STAU2: variants seen among roughly 807,000 people sequenced by gnomAD.
The protein encoded by STAU2 is staufen double-stranded RNA binding protein 2, also known as double-stranded RNA-binding protein Staufen homolog 2.
STAU2 carries 20 observed loss-of-function variants against 65.9 expected under a neutral mutation model. That is an observed-to-expected ratio of 0.30 (90% CI 0.21 to 0.44). The LOEUF is 0.44. Among genes scored for constraint, STAU2 ranks in the 20% least tolerant of loss-of-function variants. STAU2 has a pLI of 1.00. For missense variants in STAU2, 558 were observed against 683.9 expected (o/e 0.82, Z 2.05); for synonymous variants, 232 against 233.9 (o/e 0.99, Z 0.07).
At chr8:73,703,721 T>C (rs1268707050) in intron 4 of STAU2, among the ~76,000 whole-genome samples, 8 of 152,312 alleles carry the variant, frequency 5.3e-5, no homozygotes, top group African/African-American at 1.7e-4. Context: ...CATACCACTA[T>C]ATGATTACAT....
chr8:73,651,115 C>T (rs1815835680), intron 6 of STAU2, among the ~76,000 whole-genome samples: 1 of 152,242 alleles, frequency 6.6e-6, no homozygotes, highest in Admixed American at 6.5e-5. Flanking sequence ...GACCCACACC[C>T]CCAGGCCTGC....
At chr8:73,607,109 A>T (rs559141162) in intron 9 of STAU2, among the ~76,000 whole-genome samples, 1 of 152,226 alleles carries the variant, frequency 6.6e-6, no homozygotes, top group Non-Finnish European at 1.5e-5. Context: ...AAAACATATC[A>T]AACAGTGCAC....
intron 13 of STAU2, among the ~76,000 whole-genome samples, chr8:73,515,770 TC>T (rs1563396700): frequency 6.9e-5 from 8 of 115,776 alleles, no homozygotes; most frequent in Non-Finnish European, 1.1e-4. Context: ...TGAAAAAATT[TC>T]TCTTTTTTTT....
At chr8:73,654,123 T>C (rs980925814) in intron 6 of STAU2, among the ~76,000 whole-genome samples, 2 of 152,166 alleles carry the variant, frequency 1.3e-5, no homozygotes, top group Non-Finnish European at 2.9e-5. Context: ...ATTAAGCCTG[T>C]GACTCAAAAG....
intron 13 of STAU2, among the ~76,000 whole-genome samples, chr8:73,436,508 A>G (rs1381870801): frequency 6.6e-6 from 1 of 151,828 alleles, no homozygotes; most frequent in Non-Finnish European, 1.5e-5. Context: ...TACAAAGGAT[A>G]ATAATACACT....
chr8:73,669,212 A>G (rs1452840278), intron 6 of STAU2: 1 of 655,108 alleles, frequency 1.5e-6, no homozygotes, highest in South Asian at 1.7e-5. Context: ...CAGTTGAAAC[A>G]TGGCTTGGTA....
intron 6 of STAU2, among the ~76,000 whole-genome samples, chr8:73,617,831 C>T (rs984669859): frequency 1.3e-5 from 2 of 152,058 alleles, no homozygotes; most frequent in Non-Finnish European, 2.9e-5. Flanking sequence ...TGTAGATTAC[C>T]GTGCTTTTTG....
intron 13 of STAU2, among the ~76,000 whole-genome samples, chr8:73,461,778 G>A (rs535271656): frequency 1.5e-4 from 23 of 152,162 alleles, no homozygotes; most frequent in Admixed American, 1.3e-3. Context: ...GAATGTAGGG[G>A]AACTCAAACT....
chr8:73,729,821 G>A (rs1805916708), intron 3 of STAU2, among the ~76,000 whole-genome samples: 1 of 152,120 alleles, frequency 6.6e-6, no homozygotes, highest in African/African-American at 2.4e-5. Flanking sequence ...TCTAATCTGT[G>A]CATAAAATTG....
chr8:73,640,976 A>G (rs1814914940), intron 6 of STAU2, among the ~76,000 whole-genome samples: 1 of 152,218 alleles, frequency 6.6e-6, no homozygotes. Flanking sequence ...AAAAAAACAG[A>G]AAAGTGTTGT....
chr8:73,467,521 C>T (rs938407170), intron 13 of STAU2, among the ~76,000 whole-genome samples: 1 of 152,138 alleles, frequency 6.6e-6, no homozygotes, highest in African/African-American at 2.4e-5. Flanking sequence ...GACAGCGAGA[C>T]TCTGTCTCAA....
At position 73,702,052 on chromosome 8, in the gene STAU2, A is replaced by T. The variant is rs915723832; in HGVS notation, c.114+6980T>A. 2.0e-5 allele frequency among the ~76,000 whole-genome samples: 3 copies of T among 152,096 alleles called. No homozygotes were observed. The East Asian group carries it at 5.8e-4, about 29-fold the overall frequency. Reference sequence around the variant, plus strand: ...AACAATTGAATTCACAGAGATAGAGAATAGAAGGATGGTTACTAGAGATTG... The same window carrying T: ...AACAATTGAATTCACAGAGATAGAGTATAGAAGGATGGTTACTAGAGATTG... On this transcript the variant is annotated intron_variant, in intron 4 of 14. Transcript: ENST00000524300.
intron 12 of STAU2, among the ~76,000 whole-genome samples, chr8:73,572,803 C>A (rs926014975): frequency 6.6e-5 from 10 of 152,062 alleles, no homozygotes; most frequent in African/African-American, 2.4e-4. Context: ...ACTGAATGGG[C>A]AAAAACTGGA....
intron 11 of STAU2, among the ~76,000 whole-genome samples, chr8:73,594,612 G>T (rs1369586905): frequency 1.3e-5 from 2 of 152,146 alleles, no homozygotes; most frequent in Non-Finnish European, 2.9e-5. Context: ...TGCTTCCCTT[G>T]TAACAGATGT....
At chr8:73,444,857 A>G (rs1271069497) in intron 13 of STAU2, among the ~76,000 whole-genome samples, 1 of 152,186 alleles carries the variant, frequency 6.6e-6, no homozygotes, top group African/African-American at 2.4e-5. Context: ...CTGTGAAGAC[A>G]CTTCCAGAGG....
In STAU2 at chr8:73,486,075, G is replaced by C. The variant is rs144559254; in HGVS notation, c.1531-63373C>G. On this transcript the variant is annotated intron_variant, in intron 13 of 14. Transcript: ENST00000524300. ...GTCTAGACAGAGGGAACAACATAGA[G>C]GCCAGACCTCTTTCTATAAGTAACT... Among the ~76,000 whole-genome samples the C allele has an allele frequency of 1.9e-3, 287 of 152,190 alleles. 2 individuals are homozygous for C. Among genetic ancestry groups the C allele is most frequent in the African/African-American group, 6.7e-3 (280 of 41,552 alleles).
At chr8:73,457,327 T>C (rs1819123740) in intron 13 of STAU2, among the ~76,000 whole-genome samples, 1 of 152,238 alleles carries the variant, frequency 6.6e-6, no homozygotes, top group Non-Finnish European at 1.5e-5. Context: ...GCCCAGGCCC[T>C]TGGAGGCTGC....
intron 3 of STAU2, among the ~76,000 whole-genome samples, chr8:73,722,869 C>A (rs1821780005): frequency 6.6e-6 from 1 of 152,136 alleles, no homozygotes; most frequent in South Asian, 2.1e-4. Context: ...TTTCTAGTTA[C>A]AAAAACATCA....
intron 13 of STAU2, among the ~76,000 whole-genome samples, chr8:73,446,790 A>G (rs973103516): frequency 3.3e-5 from 5 of 152,232 alleles, no homozygotes; most frequent in East Asian, 1.9e-4. Flanking sequence ...TTTAAAATTA[A>G]TAACTCTCAT....
Sources: allele counts gnomAD v4.1 joint callset (sites outside exome capture counted in the v4.1 genomes callset), GRCh38; gene constraint gnomAD v4.1.1; transcripts MANE v1.5; gene names NCBI Gene and HGNC (gene_info 2026-07-23, HGNC 2026-07-21).